LRRTM4: variants seen among roughly 807,000 people sequenced by gnomAD.
The protein encoded by LRRTM4 is leucine-rich repeat transmembrane neuronal protein 4.
Under a neutral mutation model 47.6 loss-of-function variants are expected in LRRTM4, and 25 were observed. The ratio of observed to expected loss-of-function variants is 0.53; its 90% CI spans 0.38 to 0.73. The LOEUF (loss-of-function observed/expected upper bound fraction) is 0.73. Ranked by LOEUF, LRRTM4 falls within the 30% of genes least tolerant of loss-of-function variation. LRRTM4 has a pLI of 0.00. For missense variants in LRRTM4, 638 were observed against 713.4 expected (o/e 0.89, Z 1.20); for synonymous variants, 311 against 269.5 (o/e 1.15, Z -1.51).
At chr2:77,431,764 A>G (rs1383604735) in intron 3 of LRRTM4, among the ~76,000 whole-genome samples, 1 of 149,064 alleles carries the variant, frequency 6.7e-6, no homozygotes, top group Non-Finnish European at 1.5e-5. Flanking sequence ...TCTAAAATGC[A>G]GAAATCAGAA....
intron 3 of LRRTM4, among the ~76,000 whole-genome samples, chr2:77,305,355 G>A (rs1677243865): frequency 6.6e-6 from 1 of 152,034 alleles, no homozygotes; most frequent in Non-Finnish European, 1.5e-5. Context: ...CATGTTAAGA[G>A]ATGTGCTTGA....
chr2:76,893,141 AAAG>A (rs535506549), intron 3 of LRRTM4, among the ~76,000 whole-genome samples: 20 of 151,814 alleles, frequency 1.3e-4, no homozygotes, highest in Non-Finnish European at 2.4e-4. Flanking sequence ...AAATGATATT[AAAG>A]AAGTAAAATT....
At chr2:76,978,515 G>T (rs1485461830) in intron 3 of LRRTM4, among the ~76,000 whole-genome samples, 1 of 151,982 alleles carries the variant, frequency 6.6e-6, no homozygotes, top group Non-Finnish European at 1.5e-5. Flanking sequence ...TAAGGCTATT[G>T]CATTTTAAGA....
intron 3 of LRRTM4, among the ~76,000 whole-genome samples, chr2:77,312,587 A>C (rs1461950472): frequency 6.6e-6 from 1 of 152,126 alleles, no homozygotes; most frequent in Admixed American, 6.6e-5. Context: ...CAATTAGTTC[A>C]ACTCTGCATA....
chr2:77,014,119 TG>T (rs1347481816), intron 3 of LRRTM4, among the ~76,000 whole-genome samples: 1 of 152,134 alleles, frequency 6.6e-6, no homozygotes, highest in Non-Finnish European at 1.5e-5. Flanking sequence ...CACAGTTTTT[TG>T]TTTGATCCCC....
At chr2:76,884,130 C>T (rs2104118231) in intron 3 of LRRTM4, among the ~76,000 whole-genome samples, 1 of 152,098 alleles carries the variant, frequency 6.6e-6, no homozygotes, top group South Asian at 2.1e-4. Context: ...TTAAAAGTGT[C>T]TTTGAATCCT....
intron 3 of LRRTM4, among the ~76,000 whole-genome samples, chr2:76,812,792 C>CCCCCTCTTCCTCCTCCTCTCCCT (rs1558670811): frequency 8.8e-6 from 1 of 114,022 alleles, no homozygotes; most frequent in Admixed American, 9.5e-5. Context: ...TCCTCTCCCT[C>CCCCCTCTTCCTCCTCCTCTCCCT]CCCCCCCTCC....
intron 3 of LRRTM4, among the ~76,000 whole-genome samples, chr2:76,847,223 A>G (rs982175259): frequency 5.9e-5 from 9 of 151,548 alleles, no homozygotes; most frequent in Non-Finnish European, 8.8e-5. Context: ...CCCACTCTCA[A>G]CATATTTGCA....
chr2:77,069,114 C>T (rs556045205), intron 3 of LRRTM4, among the ~76,000 whole-genome samples: 13 of 152,126 alleles, frequency 8.5e-5, no homozygotes, highest in South Asian at 8.3e-4. Context: ...AATCTCTATT[C>T]GAGGCTTTCA....
At chr2:76,937,844 G>C (rs1675009798) in intron 3 of LRRTM4, among the ~76,000 whole-genome samples, 1 of 152,056 alleles carries the variant, frequency 6.6e-6, no homozygotes, top group Admixed American at 6.6e-5. Context: ...GGGATTACAG[G>C]CATGAGCCAC....
chr2:77,468,306 C>A (rs1286820195), intron 3 of LRRTM4, among the ~76,000 whole-genome samples: 1 of 151,924 alleles, frequency 6.6e-6, no homozygotes, highest in African/African-American at 2.4e-5. Context: ...TCAATATAAG[C>A]ACAGTACTAT....
chr2:77,028,731 T>C (rs1347209400), intron 3 of LRRTM4, among the ~76,000 whole-genome samples: 3 of 151,706 alleles, frequency 2.0e-5, no homozygotes, highest in African/African-American at 7.3e-5. Flanking sequence ...ACAAAAACCA[T>C]AGAATTAAAA....
chr2:76,811,456 G>T (rs937491539), intron 3 of LRRTM4, among the ~76,000 whole-genome samples: 1 of 152,154 alleles, frequency 6.6e-6, no homozygotes. Flanking sequence ...AGGAAATCAA[G>T]CTGTCTGAGA....
At chr2:77,209,259 A>G (rs752059946) in intron 3 of LRRTM4, among the ~76,000 whole-genome samples, 2 of 152,182 alleles carry the variant, frequency 1.3e-5, no homozygotes, top group Non-Finnish European at 2.9e-5. Flanking sequence ...TACTAATGCT[A>G]GGGCTCCATG....
chr2:77,506,341 A>T (rs1480928378), intron 3 of LRRTM4, among the ~76,000 whole-genome samples: 2 of 151,752 alleles, frequency 1.3e-5, no homozygotes, highest in Non-Finnish European at 3.0e-5. Context: ...ATTAAGACAT[A>T]GTAAATATTT....
At chr2:77,157,847 C>T (rs1672601058) in intron 3 of LRRTM4, among the ~76,000 whole-genome samples, 1 of 152,096 alleles carries the variant, frequency 6.6e-6, no homozygotes, top group Non-Finnish European at 1.5e-5. Flanking sequence ...GGAACATGAG[C>T]TATATTATGA....
At chr2:77,169,358 G>T (rs2103829630) in intron 3 of LRRTM4, among the ~76,000 whole-genome samples, 1 of 152,130 alleles carries the variant, frequency 6.6e-6, no homozygotes, top group African/African-American at 2.4e-5. Context: ...AATTTTTTTA[G>T]AAATTCCATT....
intron 3 of LRRTM4, among the ~76,000 whole-genome samples, chr2:77,444,853 C>T (rs1384802403): frequency 1.3e-5 from 2 of 150,026 alleles, no homozygotes; most frequent in Admixed American, 6.7e-5. Flanking sequence ...TTCTGTATTA[C>T]CTTATTATAA....
chr2:76,768,595 AT>A (rs1361957612), intron 3 of LRRTM4, among the ~76,000 whole-genome samples: 3 of 152,106 alleles, frequency 2.0e-5, no homozygotes, highest in Non-Finnish European at 4.4e-5. Flanking sequence ...AATGTCCTAA[AT>A]TTATATATGG....
Sources: gnomAD v4.1 joint callset for allele counts (sites outside exome capture counted in the v4.1 genomes callset) on GRCh38, gnomAD v4.1.1 for gene constraint, MANE v1.5 for transcripts, NCBI Gene and HGNC (gene_info 2026-07-23, HGNC 2026-07-21) for gene names.